BUB1B: variants seen among roughly 807,000 people sequenced by gnomAD.
The protein encoded by BUB1B is BUB1 mitotic checkpoint serine/threonine kinase B, also known as mitotic checkpoint serine/threonine-protein kinase BUB1 beta.
BUB1B carries 86 observed loss-of-function variants against 137.7 expected under a neutral mutation model. That is an observed-to-expected ratio of 0.62 (90% CI 0.52 to 0.75). BUB1B has a LOEUF of 0.75. Among genes scored for constraint, BUB1B ranks in the 30% least tolerant of loss-of-function variants. The pLI is 0.00. For missense variants in BUB1B, 1,130 were observed against 1,236.9 expected (o/e 0.91, Z 1.30); for synonymous variants, 420 against 417.9 (o/e 1.00, Z -0.06).
chr15:40,169,400 T>C (rs1010118501), intron 2 of BUB1B, among the ~76,000 whole-genome samples: 1 of 152,072 alleles, frequency 6.6e-6, no homozygotes, highest in Non-Finnish European at 1.5e-5. Flanking sequence ...ATGAGGAAAC[T>C]GAAAACAGAG....
At position 40,165,102 on chromosome 15, in the gene BUB1B, G is replaced by A; in HGVS notation, c.85G>A (p.Val29Ile). Reference sequence around the variant, plus strand: ...TGAATGGGAACTGAGTAAAGAAAATGTACAACCTTTAAGGCAAGGGCGGAT... The same window carrying A: ...TGAATGGGAACTGAGTAAAGAAAATATACAACCTTTAAGGCAAGGGCGGAT... The part of the protein sequence containing the change: ...GDEWELSKEN[V>I]QPLRQGRIMS... Residue 29 changes from valine (V) to isoleucine (I), a missense_variant, in exon 2 of 23, where the codon GTA (valine) becomes ATA (isoleucine). Physicochemically the swap from Val to Ile is conservative, Grantham distance 29 (BLOSUM62 3). Transcript: ENST00000287598. 6.2e-7 allele frequency: 1 copy of A among 1,614,156 alleles called. No homozygotes were observed. Among genetic ancestry groups the A allele is most frequent in the African/African-American group, 1.3e-5 (1 of 75,030 alleles).
intron 4 of BUB1B, among the ~76,000 whole-genome samples, chr15:40,171,350 C>T (rs1267143056): frequency 6.6e-6 from 1 of 152,106 alleles, no homozygotes; most frequent in Non-Finnish European, 1.5e-5. Flanking sequence ...GAGTTCAAGA[C>T]TAGTCAGGGC....
chr15:40,164,295 C>T (rs2037069926), intron 1 of BUB1B, among the ~76,000 whole-genome samples: 1 of 151,210 alleles, frequency 6.6e-6, no homozygotes. Flanking sequence ...GTGGTGTGAT[C>T]ATGGCTCACT....
Position 40,200,291 on chromosome 15 carries a change from T to C in BUB1B, c.1449T>C (p.Ala483=), listed in dbSNP as rs755711414. The change falls in exon 11 of 23, where the codon GCT becomes GCC. Residue 483 remains alanine, a synonymous_variant. Transcript: ENST00000287598. ...PTKETTKLQI[A]SESQKIPGMT... ...AGGAGACAACTAAACTGCAAATTGCTTCCGAGTCTCAGAAAATACCAGGAA... is the reference window on the plus strand; with the variant it reads ...AGGAGACAACTAAACTGCAAATTGCCTCCGAGTCTCAGAAAATACCAGGAA... 3.7e-6 allele frequency: 6 copies of C among 1,613,974 alleles called. No homozygotes were observed. Among genetic ancestry groups the C allele is most frequent in the South Asian group, 2.2e-5 (2 of 91,070 alleles).
chr15:40,209,616 C>T lies in BUB1B; in HGVS notation c.2144-19C>T. The T allele has an allele frequency of 6.2e-7, 1 of 1,613,804 alleles. No homozygotes were observed. The highest frequency in any genetic ancestry group is 8.5e-7 in the Non-Finnish European group (1 of 1,179,882). ...GGTTTTTTTGGTGATATATTTTCAC[C>T]TTTCCCTCCCACTGGCAGAAAACCC... On this transcript the variant is annotated intron_variant, in intron 16 of 22. Transcript: ENST00000287598.
At chr15:40,166,813 CTTTT>C (rs1180345797) in intron 2 of BUB1B, among the ~76,000 whole-genome samples, 1 of 152,200 alleles carries the variant, frequency 6.6e-6, no homozygotes, top group Non-Finnish European at 1.5e-5. Context: ...TGTTGTCGAT[CTTTT>C]TCGTTTTAGC....
intron 5 of BUB1B, among the ~76,000 whole-genome samples, chr15:40,181,383 G>C (rs183222627): frequency 3.3e-5 from 5 of 152,182 alleles, no homozygotes; most frequent in African/African-American, 1.2e-4. Context: ...GAACCACCAC[G>C]CCTGGCCTAG....
chr15:40,185,942 A>C (rs2037356031), intron 8 of BUB1B, among the ~76,000 whole-genome samples: 1 of 152,232 alleles, frequency 6.6e-6, no homozygotes, highest in African/African-American at 2.4e-5. Context: ...TAGGGTTAAA[A>C]GACCATTTGT....
At chr15:40,177,231 A>G (rs1220315749) in intron 5 of BUB1B, among the ~76,000 whole-genome samples, 1 of 152,198 alleles carries the variant, frequency 6.6e-6, no homozygotes, top group African/African-American at 2.4e-5. Flanking sequence ...TTAATTTTAA[A>G]GAAGTCTAAT....
chr15:40,216,989 C>A (rs550885767), intron 20 of BUB1B, among the ~76,000 whole-genome samples: 1 of 152,136 alleles, frequency 6.6e-6, no homozygotes, highest in African/African-American at 2.4e-5. Context: ...AGAAATTTTA[C>A]AATACAGATA....
At chr15:40,196,435 C>T in intron 8 of BUB1B, 110 bp from the exon 9 acceptor site, 2 of 1,038,624 alleles carry the variant, frequency 1.9e-6, no homozygotes, top group Admixed American at 4.1e-5. Context: ...TCCAGATTTG[C>T]AGAACATAAT....
At position 40,210,337 on chromosome 15, in the gene BUB1B, C is replaced by T. The variant is rs183874012; in HGVS notation, c.2385+127C>T. On this transcript the variant is annotated intron_variant, in intron 18 of 22. Transcript: ENST00000287598. ...AATATGTCCAAATATATTAAGTATCCTTTCAGTTTCATTTTTTTTAGGAAA... is the reference window on the plus strand; with the variant it reads ...AATATGTCCAAATATATTAAGTATCTTTTCAGTTTCATTTTTTTTAGGAAA... The T allele has an allele frequency of 4.2e-5, 33 of 780,352 alleles. No individual in the cohort carries two copies. In the East Asian group the frequency reaches 8.8e-4, roughly 21 times the overall value. The allele number at this position is 780,352 out of a possible 1,614,324, so 48.3% of individuals were successfully genotyped here.
chr15:40,166,884 A>G (rs905658874), intron 2 of BUB1B, among the ~76,000 whole-genome samples: 1 of 152,072 alleles, frequency 6.6e-6, no homozygotes, highest in Non-Finnish European at 1.5e-5. Flanking sequence ...GTGACTAATA[A>G]TGGTGAACGT....
rs61733369 is a variant in BUB1B at position 40,196,716 on chromosome 15, C to T, written c.1230C>T (p.Phe410=). ...AGATTTATGCAGGAGTAGGGGAATT[C>T]TCCTTTGAAGAAATTCGGGCTGAAG... ...KEKIYAGVGE[F]SFEEIRAEVF... The change falls in exon 9 of 23, where the codon TTC becomes TTT. Residue 410 remains phenylalanine (F), a synonymous_variant. Transcript: ENST00000287598. 1.5e-4 allele frequency: 238 copies of T among 1,614,002 alleles called. No homozygotes were observed. The African/African-American group carries it at 2.7e-3, about 18-fold the overall frequency.
rs371958222 is a variant in BUB1B, at chr15:40,165,149, A to G, written c.132A>G (p.Ala44=). The G allele has an allele frequency of 1.2e-6, 2 of 1,614,118 alleles. No homozygotes were observed. Among genetic ancestry groups the G allele is most frequent in the Non-Finnish European group, 1.7e-6 (2 of 1,180,050 alleles). ...QGRIMSTLQG[A]LAQESACNNT... ...GGATCATGTCCACGCTTCAGGGAGC[A>G]CTGGCACAAGAATCTGCCTGTAACA... The change falls in exon 2 of 23, where the codon GCA becomes GCG. Residue 44 remains alanine, a synonymous_variant. Coordinates refer to ENST00000287598, the MANE Select transcript of BUB1B (RefSeq NM_001211.6).
At chr15:40,195,078 C>A (rs2037481616) in intron 8 of BUB1B, among the ~76,000 whole-genome samples, 2 of 152,082 alleles carry the variant, frequency 1.3e-5, no homozygotes, top group Admixed American at 1.3e-4. Context: ...TTTTGGTGCA[C>A]CCGTCACCTG....
chr15:40,217,452 C>T lies in BUB1B; in HGVS notation c.2679-44C>T, dbSNP rs773213827. 28 of 1,598,138 alleles carry T rather than the reference C, an allele frequency of 1.8e-5. No homozygotes were observed. In the African/African-American group the frequency reaches 3.2e-4, roughly 18 times the overall value. ...TAAAGACCAGCTATGCAGCTTCTTTCATGGCCTATTTTTATTATCTCCTTC... is the reference window on the plus strand; with the variant it reads ...TAAAGACCAGCTATGCAGCTTCTTTTATGGCCTATTTTTATTATCTCCTTC... On this transcript the variant is annotated intron_variant, in intron 20 of 22. Transcript: ENST00000287598.
intron 2 of BUB1B, 38 bp downstream of exon 2, chr15:40,165,234 A>G: frequency 6.2e-7 from 1 of 1,613,670 alleles, no homozygotes; most frequent in Non-Finnish European, 8.5e-7. Flanking sequence ...GTCGTCATTC[A>G]TCCTAAATGT....
chr15:40,173,510 G>T (rs964466471), intron 4 of BUB1B, among the ~76,000 whole-genome samples: 4 of 152,068 alleles, frequency 2.6e-5, no homozygotes, highest in Admixed American at 1.3e-4. Context: ...CTGAAAGAAG[G>T]GTTTGCATAC....
Sources: allele counts gnomAD v4.1 joint callset (sites outside exome capture counted in the v4.1 genomes callset), GRCh38; gene constraint gnomAD v4.1.1; transcripts MANE v1.5; gene names NCBI Gene and HGNC (gene_info 2026-07-23, HGNC 2026-07-21).